Variants in TXNDC15 observed in about 807,000 individuals in gnomAD.
TXNDC15 encodes the protein thioredoxin domain-containing protein 15.
TXNDC15 carries 24 observed loss-of-function variants against 35.0 expected under a neutral mutation model. That is an observed-to-expected ratio of 0.68 (90% CI 0.50 to 0.96). The LOEUF (loss-of-function observed/expected upper bound fraction) is 0.96, where lower values mean the gene tolerates loss of function less well. Ranked by LOEUF, TXNDC15 falls within the 40% of genes least tolerant of loss-of-function variation. TXNDC15 has a pLI of 0.00. For synonymous variants in TXNDC15, 169 were observed against 174.0 expected, an observed-to-expected ratio of 0.97 and a Z score of 0.23; for missense variants, 385 against 453.3, an observed-to-expected ratio of 0.85 and a Z score of 1.37.
intron 4 of TXNDC15, among the ~76,000 whole-genome samples, chr5:134,899,091 G>C (rs1382937703): frequency 6.6e-6 from 1 of 151,054 alleles, no homozygotes; most frequent in Non-Finnish European, 1.5e-5. Flanking sequence ...AAAAAAAAAA[G>C]CATTTCGAAT....
intron 1 of TXNDC15, among the ~76,000 whole-genome samples, chr5:134,877,654 C>T (rs1750058928): frequency 6.6e-6 from 1 of 152,030 alleles, no homozygotes; most frequent in African/African-American, 2.4e-5. Flanking sequence ...GTCACCCAGG[C>T]TGGAGTGCAG....
intron 4 of TXNDC15, among the ~76,000 whole-genome samples, chr5:134,897,702 C>T (rs1468835154): frequency 2.6e-5 from 4 of 152,176 alleles, no homozygotes; most frequent in Non-Finnish European, 2.9e-5. Flanking sequence ...ACAAAGTGAA[C>T]ACCCTGGGTA....
Position 134,874,553 on chromosome 5 carries a change from G to A in TXNDC15, c.103+23G>A, listed in dbSNP as rs778128802. The A allele has an allele frequency of 2.5e-6, 4 of 1,575,276 alleles. No individual in the cohort carries two copies. The South Asian group carries it at 3.4e-5, about 13-fold the overall frequency. ...AGGGTGAGTGTGGGCCGGGGGCGGT[G>A]CATGAGATGATGGGGCGAGCTGAGG... On this transcript the variant is annotated intron_variant, in intron 1 of 4. Transcript: ENST00000358387.
chr5:134,893,383 T>A (rs1750425312), intron 2 of TXNDC15, 109 bp from the exon 3 acceptor site: 2 of 1,357,196 alleles, frequency 1.5e-6, no homozygotes, highest in East Asian at 4.6e-5. Context: ...TCGCTGCTCC[T>A]ACCCACCCGT....
At chr5:134,879,994 A>T (rs1397525272) in intron 1 of TXNDC15, among the ~76,000 whole-genome samples, 3 of 151,940 alleles carry the variant, frequency 2.0e-5, no homozygotes, top group Admixed American at 2.0e-4. Flanking sequence ...CGGGATTTCA[A>T]CATGTTGGCC....
intron 2 of TXNDC15, among the ~76,000 whole-genome samples, chr5:134,888,996 A>T (rs896479143): frequency 7.2e-5 from 11 of 152,228 alleles, no homozygotes; most frequent in African/African-American, 2.7e-4. Context: ...CTTATGTAAG[A>T]GAGGTAAATC....
At chr5:134,885,354 G>A (rs762933303) in intron 1 of TXNDC15, among the ~76,000 whole-genome samples, 14 of 152,330 alleles carry the variant, frequency 9.2e-5, no homozygotes, top group South Asian at 2.1e-4. Context: ...CACTACTGAC[G>A]CAGGTCCTTT....
At chr5:134,894,237 C>A (rs757519858) in intron 3 of TXNDC15, among the ~76,000 whole-genome samples, 6 of 152,144 alleles carry the variant, frequency 3.9e-5, no homozygotes, top group Non-Finnish European at 7.4e-5. Flanking sequence ...TTATATTTCT[C>A]GTGTATCATT....
chr5:134,874,184 A>G, upstream of TXNDC15: 1 of 494,532 alleles, frequency 2.0e-6, no homozygotes, highest in Non-Finnish European at 3.6e-6. Flanking sequence ...CTCTGGGGTC[A>G]GCAGAGTTCA....
At chr5:134,876,326 T>C (rs1300372825) in intron 1 of TXNDC15, among the ~76,000 whole-genome samples, 1 of 152,090 alleles carries the variant, frequency 6.6e-6, no homozygotes, top group Non-Finnish European at 1.5e-5. Flanking sequence ...TTCTCTCCGC[T>C]CCCTCCCTGA....
At chr5:134,887,115 G>A (rs1750290749) in intron 1 of TXNDC15, among the ~76,000 whole-genome samples, 1 of 152,198 alleles carries the variant, frequency 6.6e-6, no homozygotes, top group Non-Finnish European at 1.5e-5. Context: ...TAATCCACAT[G>A]GCAAGCAGCA....
chr5:134,884,923 C>CTTTT (rs374868238), intron 1 of TXNDC15, among the ~76,000 whole-genome samples: 1 of 128,990 alleles, frequency 7.8e-6, no homozygotes, highest in Admixed American at 7.9e-5. Context: ...TATACATATT[C>CTTTT]TTTTTTTTTT....
Position 134,883,164 on chromosome 5 carries a change from C to T in TXNDC15, c.104-4531C>T, listed in dbSNP as rs527732234. Among the ~76,000 whole-genome samples the T allele has an allele frequency of 3.2e-3, 484 of 151,868 alleles. 4 individuals are homozygous for T. The highest frequency in any genetic ancestry group is 0.011 in the African/African-American group (441 of 41,422). Reference sequence around the variant, plus strand: ...TAATTAGGCTGGGCATGGTGGCTCACGCCTGTAATCCCAGCACTTTGGGAG... The same window carrying T: ...TAATTAGGCTGGGCATGGTGGCTCATGCCTGTAATCCCAGCACTTTGGGAG... On this transcript the variant is annotated intron_variant, in intron 1 of 4. Transcript: ENST00000358387.
At chr5:134,895,500 G>C (rs1018755804) in intron 3 of TXNDC15, among the ~76,000 whole-genome samples, 1 of 152,096 alleles carries the variant, frequency 6.6e-6, no homozygotes. Context: ...TCAGCTCCAT[G>C]TTGTATCTTA....
rs1208707404 is a variant in TXNDC15 at position 134,881,046 on chromosome 5, T to G, written c.103+6516T>G. Among the ~76,000 whole-genome samples, 4 of 151,926 alleles carry G rather than the reference T, an allele frequency of 2.6e-5. No individual in the cohort carries two copies. The East Asian group carries it at 7.7e-4, about 29-fold the overall frequency. Reference sequence around the variant, plus strand: ...AATATTTTTCTGTTCCTCCACTCTCTTCTCTTGCCAGTACTCCAGTTACTG... The same window carrying G: ...AATATTTTTCTGTTCCTCCACTCTCGTCTCTTGCCAGTACTCCAGTTACTG... On this transcript the variant is annotated intron_variant, in intron 1 of 4. Transcript: ENST00000358387.
chr5:134,874,684 C>T (rs914893948), intron 1 of TXNDC15, among the ~76,000 whole-genome samples, 154 bp downstream of exon 1: 1 of 152,182 alleles, frequency 6.6e-6, no homozygotes, highest in Non-Finnish European at 1.5e-5. Context: ...CCCCGCGCAC[C>T]GCCCGCTGGT....
intron 1 of TXNDC15, 33 bp downstream of exon 1, chr5:134,874,563 A>T (rs774847326): frequency 2.6e-6 from 4 of 1,549,450 alleles, no homozygotes; most frequent in Non-Finnish European, 3.5e-6. Context: ...GCATGAGATG[A>T]TGGGGCGAGC....
At chr5:134,879,565 AAT>A (rs1750100516) in intron 1 of TXNDC15, among the ~76,000 whole-genome samples, 1 of 152,150 alleles carries the variant, frequency 6.6e-6, no homozygotes, top group Non-Finnish European at 1.5e-5. Flanking sequence ...TCATACAGGC[AAT>A]ACACACTCAT....
Position 134,899,767 on chromosome 5 carries a change from A to G in TXNDC15, c.*82A>G. ...TGCTACAGTTTCATACATTTTCTCC[A>G]GTGACGTGTTGACTTGAAACTTCAG... On this transcript the variant is annotated 3_prime_UTR_variant, in exon 5 of 5. Transcript: ENST00000358387. 5 of 1,192,436 alleles carry G rather than the reference A, an allele frequency of 4.2e-6. No individual in the cohort carries two copies. Among genetic ancestry groups the G allele is most frequent in the African/African-American group, 3.1e-5 (2 of 64,440 alleles). The allele number at this position is 1,192,436 out of a possible 1,614,324, so 73.9% of individuals were successfully genotyped here. A position where few individuals can be genotyped will look rare whatever the true frequency, so the allele number is the denominator to read the frequency against.
Sources: allele counts gnomAD v4.1 joint callset (sites outside exome capture counted in the v4.1 genomes callset), GRCh38; gene constraint gnomAD v4.1.1; transcripts MANE v1.5; gene names NCBI Gene and HGNC (gene_info 2026-07-23, HGNC 2026-07-21).